Variants in EGFR observed in about 807,000 individuals in gnomAD.
The protein encoded by EGFR is epidermal growth factor receptor.
EGFR carries 58 observed loss-of-function variants against 143.0 expected under a neutral mutation model. That is an observed-to-expected ratio of 0.41 (90% CI 0.33 to 0.50). EGFR has a LOEUF of 0.50. EGFR is among the 20% of genes least tolerant of loss of function. EGFR has a pLI of 0.39. For synonymous variants in EGFR, 613 were observed against 594.4 expected, an observed-to-expected ratio of 1.03 and a Z score of -0.45; for missense variants, 1,307 against 1,579.0, an observed-to-expected ratio of 0.83 and a Z score of 2.92.
chr7:55,122,043 G>A (rs752577377), intron 1 of EGFR, among the ~76,000 whole-genome samples: 9 of 152,184 alleles, frequency 5.9e-5, no homozygotes, highest in Non-Finnish European at 1.0e-4. Flanking sequence ...GGAAGGAAAT[G>A]ATAACAATTT....
At chr7:55,162,684 C>A (rs1173487107) in intron 13 of EGFR, among the ~76,000 whole-genome samples, 1 of 152,214 alleles carries the variant, frequency 6.6e-6, no homozygotes, top group Non-Finnish European at 1.5e-5. Flanking sequence ...CAAGCCCAGC[C>A]CCCTTCAGCA....
intron 1 of EGFR, among the ~76,000 whole-genome samples, chr7:55,120,792 T>C (rs1793155635): frequency 6.6e-6 from 1 of 152,204 alleles, no homozygotes. Context: ...CTATTTTTAA[T>C]TGTATTCTCC....
At chr7:55,114,879 C>CT (rs777244842) in intron 1 of EGFR, among the ~76,000 whole-genome samples, 3,219 of 122,730 alleles carry the variant, frequency 0.026, 122 homozygotes, top group African/African-American at 0.072. Flanking sequence ...TTGTATTATT[C>CT]TTTTTTTTTT....
At chr7:55,130,097 T>A (rs1027078006) in intron 1 of EGFR, among the ~76,000 whole-genome samples, 2 of 152,152 alleles carry the variant, frequency 1.3e-5, no homozygotes, top group Non-Finnish European at 2.9e-5. Flanking sequence ...CTGGCTGTAT[T>A]CAGAGGAGGT....
chr7:55,161,780 C>T lies in EGFR; in HGVS notation c.1631+149C>T, dbSNP rs368749786. The T allele has an allele frequency of 2.2e-5, 29 of 1,346,334 alleles. No individual in the cohort carries two copies. In the South Asian group the frequency reaches 2.7e-4, roughly 12 times the overall value. The allele number at this position is 1,346,334 out of a possible 1,614,324, so 83.4% of individuals were successfully genotyped here. On this transcript the variant is annotated intron_variant, in intron 13 of 27. Coordinates refer to ENST00000275493, the MANE Select transcript of EGFR (RefSeq NM_005228.5). ...AGGTTTTGGGTTTTCTGTGGGGAGA[C>T]GGGAAGTTGTTTGATTGCGTTATTT...
chr7:55,048,337 T>C (rs1788297765), intron 1 of EGFR, among the ~76,000 whole-genome samples: 1 of 152,166 alleles, frequency 6.6e-6, no homozygotes, highest in South Asian at 2.1e-4. Context: ...CCTTACTGAT[T>C]CTTACAGAGT....
Position 55,181,585 on chromosome 7 carries a change from CG to C in EGFR, c.2469+108del, listed in dbSNP as rs1786883059. The C allele has an allele frequency of 2.5e-5, 32 of 1,305,694 alleles. No homozygotes were observed. The South Asian group carries it at 3.3e-4, about 13-fold the overall frequency. 80.9% of individuals were successfully genotyped at this position (1,305,694 alleles called of 1,614,324 possible). A position where few individuals can be genotyped will look rare whatever the true frequency, so the allele number is the denominator to read the frequency against. On this transcript the variant is annotated intron_variant, in intron 20 of 27. Coordinates refer to ENST00000275493, the MANE Select transcript of EGFR (RefSeq NM_005228.5). Reference sequence around the variant, plus strand: ...AGTTTGCCATGGGGATATGTGTGTGCGTGCATGCAGCACACACACATTCCTT... The same window carrying C: ...AGTTTGCCATGGGGATATGTGTGTGCTGCATGCAGCACACACACATTCCTT...
intron 15 of EGFR, among the ~76,000 whole-genome samples, chr7:55,168,136 T>C (rs1340375264): frequency 6.6e-6 from 1 of 152,238 alleles, no homozygotes; most frequent in Non-Finnish European, 1.5e-5. Flanking sequence ...TGTTGGCCAC[T>C]TTGTGAGCTC....
Position 55,063,074 on chromosome 7 carries a change from C to T in EGFR, c.88+43709C>T, listed in dbSNP as rs544148886. On this transcript the variant is annotated intron_variant, in intron 1 of 27. Transcript: ENST00000275493. Reference sequence around the variant, plus strand: ...GCTCAGGGTTGTCAGCTTCCAAAGTCTGCCTGCTCCAGGACCTCATGTTGC... The same window carrying T: ...GCTCAGGGTTGTCAGCTTCCAAAGTTTGCCTGCTCCAGGACCTCATGTTGC... Among the ~76,000 whole-genome samples the T allele has an allele frequency of 1.2e-4, 18 of 152,312 alleles. No individual in the cohort carries two copies. In the South Asian group the frequency reaches 3.7e-3, roughly 32 times the overall value.
chr7:55,171,509 T>C (rs1168060962), intron 16 of EGFR, among the ~76,000 whole-genome samples: 1 of 152,200 alleles, frequency 6.6e-6, no homozygotes, highest in African/African-American at 2.4e-5. Context: ...GTTCCACTGG[T>C]TTTGCTGGGT....
intron 1 of EGFR, among the ~76,000 whole-genome samples, chr7:55,035,232 G>C (rs10229098): frequency 3.9e-5 from 6 of 152,156 alleles, no homozygotes. Flanking sequence ...ACATTCCCTA[G>C]GTAATGTTTT....
In EGFR at chr7:55,131,187, G is replaced by A. The variant is rs1793809882; in HGVS notation, c.89-11099G>A. 2.0e-5 allele frequency among the ~76,000 whole-genome samples: 3 copies of A among 152,206 alleles called. No homozygotes were observed. In the South Asian group the frequency reaches 6.2e-4, roughly 32 times the overall value. On this transcript the variant is annotated intron_variant, in intron 1 of 27. Coordinates refer to ENST00000275493, the MANE Select transcript of EGFR (RefSeq NM_005228.5). ...GGTGGCACCAGGATTCCAAACCATG[G>A]ACTCCACTGAGCCCAGTGCCCACTG...
At chr7:55,197,799 T>C (rs1584265953) in intron 22 of EGFR, among the ~76,000 whole-genome samples, 1 of 152,362 alleles carries the variant, frequency 6.6e-6, no homozygotes, top group Admixed American at 6.5e-5. Context: ...GTGAATCACA[T>C]TTATTGATTT....
Position 55,161,526 on chromosome 7 carries a change from T to C in EGFR, c.1526T>C (p.Leu509Ser), listed in dbSNP as rs1240855741. 3 of 1,614,220 alleles carry C rather than the reference T, an allele frequency of 1.9e-6. No individual in the cohort carries two copies. Among genetic ancestry groups the C allele is most frequent in the Non-Finnish European group, 2.5e-6 (3 of 1,180,042 alleles). ...CKATGQVCHA[L>S]CSPEGCWGPE... ...GCCACAGGCCAGGTCTGCCATGCCT[T>C]GTGCTCCCCCGAGGGCTGCTGGGGC... The change falls in exon 13 of 28, where the codon TTG becomes TCG. Residue 509 changes from leucine (L) to serine (S), a missense_variant. Leu to Ser is a moderately radical substitution (Grantham distance 145). This residue lies in a region of EGFR where 250 missense variants were observed against 295.1 expected (regional missense o/e 0.85). Coordinates refer to ENST00000275493, the MANE Select transcript of EGFR (RefSeq NM_005228.5).
intron 1 of EGFR, among the ~76,000 whole-genome samples, chr7:55,118,129 T>G (rs1792979209): frequency 1.3e-5 from 2 of 152,236 alleles, no homozygotes; most frequent in Admixed American, 1.3e-4. Context: ...AATGCTTAGA[T>G]GGAGATTACC....
chr7:55,070,409 A>G (rs1236645921), intron 1 of EGFR, among the ~76,000 whole-genome samples: 1 of 152,250 alleles, frequency 6.6e-6, no homozygotes, highest in Non-Finnish European at 1.5e-5. Flanking sequence ...TAGTGAGGTC[A>G]TTCATCTTCG....
intron 1 of EGFR, among the ~76,000 whole-genome samples, chr7:55,028,631 C>A (rs1787071999): frequency 6.6e-6 from 1 of 152,108 alleles, no homozygotes; most frequent in Admixed American, 6.5e-5. Flanking sequence ...ACACTGTAAG[C>A]CATTGTAAAT....
intron 1 of EGFR, among the ~76,000 whole-genome samples, chr7:55,106,055 G>A (rs1792106664): frequency 6.6e-6 from 1 of 152,228 alleles, no homozygotes; most frequent in Admixed American, 6.5e-5. Context: ...GTATCAGGTA[G>A]TGCAGAGTCC....
intron 1 of EGFR, among the ~76,000 whole-genome samples, chr7:55,130,621 T>G (rs1562741617): frequency 2.6e-5 from 4 of 152,204 alleles, no homozygotes; most frequent in Admixed American, 2.6e-4. Context: ...AGAGGGCTCA[T>G]TTTAAAACAA....
Sources: gnomAD v4.1 joint callset for allele counts (sites outside exome capture counted in the v4.1 genomes callset) on GRCh38, gnomAD v4.1.1 for gene constraint, gnomAD v4.1.1 regional missense constraint, MANE v1.5 for transcripts, NCBI Gene and HGNC (gene_info 2026-07-23, HGNC 2026-07-21) for gene names.